Variants in QSOX2 observed in about 807,000 individuals in gnomAD.
The protein encoded by QSOX2 is quiescin sulfhydryl oxidase 2, also known as sulfhydryl oxidase 2.
Under a neutral mutation model 61.7 loss-of-function variants are expected in QSOX2, and 46 were observed. The observed-to-expected ratio is 0.75, with a 90% CI of 0.59 to 0.95. The LOEUF is 0.95. Among genes scored for constraint, QSOX2 ranks in the 40% least tolerant of loss-of-function variants. The pLI, the probability that QSOX2 is intolerant of heterozygous loss-of-function variation, is 0.00. For synonymous variants in QSOX2, 383 were observed against 388.4 expected, an observed-to-expected ratio of 0.99 and a Z score of 0.16; for missense variants, 879 against 918.9, an observed-to-expected ratio of 0.96 and a Z score of 0.56.
chr9:136,226,323 G>A (rs1325401678), intron 2 of QSOX2, among the ~76,000 whole-genome samples: 1 of 152,210 alleles, frequency 6.6e-6, no homozygotes, highest in Non-Finnish European at 1.5e-5. Flanking sequence ...CTTGTCTGCA[G>A]GGCTGACTTT....
At chr9:136,236,235 G>C in intron 1 of QSOX2, among the ~76,000 whole-genome samples, 1 of 152,224 alleles carries the variant, frequency 6.6e-6, no homozygotes, top group Non-Finnish European at 1.5e-5. Flanking sequence ...CTCCTCCATG[G>C]GGCACCCGGA....
intron 7 of QSOX2, 71 bp downstream of exon 7, chr9:136,218,956 CCCG>C: frequency 1.3e-6 from 2 of 1,585,618 alleles, no homozygotes; most frequent in Non-Finnish European, 1.7e-6. Flanking sequence ...TCTGAGTAAA[CCCG>C]CCCTGCAAGC....
At chr9:136,214,472 T>A (rs1343957797) in intron 10 of QSOX2, among the ~76,000 whole-genome samples, 2 of 152,232 alleles carry the variant, frequency 1.3e-5, no homozygotes, top group East Asian at 3.8e-4. Flanking sequence ...TGAGGCTTGC[T>A]GCCATGATGT....
At chr9:136,243,748 A>C (rs1830449987) in intron 1 of QSOX2, among the ~76,000 whole-genome samples, 1 of 152,220 alleles carries the variant, frequency 6.6e-6, no homozygotes, top group Admixed American at 6.5e-5. Context: ...GGGCTCCCTG[A>C]AGCCCTCTCC....
At chr9:136,228,361 T>C (rs1830301841) in intron 1 of QSOX2, among the ~76,000 whole-genome samples, 1 of 152,222 alleles carries the variant, frequency 6.6e-6, no homozygotes, top group Non-Finnish European at 1.5e-5. Flanking sequence ...GGGGAGTGCC[T>C]GGCTCGTGCT....
intron 6 of QSOX2, among the ~76,000 whole-genome samples, chr9:136,219,761 G>C (rs1315495718): frequency 2.0e-5 from 3 of 152,248 alleles, no homozygotes; most frequent in Non-Finnish European, 4.4e-5. Context: ...TCCAAAGACA[G>C]AATGTAGCAG....
chr9:136,209,528 C>A lies in QSOX2; in HGVS notation c.1550-253G>T, dbSNP rs116216003. ...TTCCCATAGCCTGCAAGTGAGGAGA[C>A]GCTACACGCTCGGCCTCCGCCACTT... On this transcript the variant is annotated intron_variant, in intron 11 of 11. Coordinates refer to ENST00000358701, the MANE Select transcript of QSOX2 (RefSeq NM_181701.4). This position sits in a 1 kb window ranked among gnomAD's most constrained non-coding sequence, Gnocchi z 5.6. 1.0e-6 allele frequency: 1 copy of A among 985,240 alleles called. No homozygotes were observed. Among genetic ancestry groups the A allele is most frequent in the African/African-American group, 1.7e-5 (1 of 57,242 alleles). The allele number at this position is 985,240 out of a possible 1,614,324, so 61.0% of individuals were successfully genotyped here.
chr9:136,240,392 T>C (rs1830425011), intron 1 of QSOX2, among the ~76,000 whole-genome samples: 1 of 152,172 alleles, frequency 6.6e-6, no homozygotes, highest in Admixed American at 6.5e-5. Context: ...TATCAAATCG[T>C]TCTAGAAAAT....
At chr9:136,245,152 A>T (rs985184861) in intron 1 of QSOX2, among the ~76,000 whole-genome samples, 1 of 152,168 alleles carries the variant, frequency 6.6e-6, no homozygotes. Flanking sequence ...GAGAGCTGGG[A>T]TACGGGAGGG....
At chr9:136,225,403 C>T (rs1359406187) in intron 2 of QSOX2, among the ~76,000 whole-genome samples, 8 of 152,170 alleles carry the variant, frequency 5.3e-5, no homozygotes, top group Admixed American at 1.3e-4. Context: ...TACATGATGG[C>T]GGAGATGAGG....
At chr9:136,241,256 C>A (rs116783101) in intron 1 of QSOX2, among the ~76,000 whole-genome samples, 2,774 of 152,316 alleles carry the variant, frequency 0.018, 80 homozygotes, top group African/African-American at 0.062. Context: ...TCCTTCCACC[C>A]TCTCCATCCT....
At position 136,232,187 on chromosome 9, in the gene QSOX2, G is replaced by A. The variant is rs147619545; in HGVS notation, c.329-5313C>T. 3.2e-3 allele frequency among the ~76,000 whole-genome samples: 481 copies of A among 152,194 alleles called. 1 individual carries two copies. Among genetic ancestry groups the A allele is most frequent in the African/African-American group, 9.9e-3 (410 of 41,518 alleles). ...AAATGTCGTTATCTGAGGACCTGCC[G>A]TCTTCCTTGCACTTCGCGTGGCAGT... On this transcript the variant is annotated intron_variant, in intron 1 of 11. Transcript: ENST00000358701.
rs1448105069 is a variant in QSOX2, at chr9:136,207,071, C to G, written c.*1657G>C. 6.6e-6 allele frequency: 1 copy of G among 152,374 alleles called. No homozygotes were observed. Among genetic ancestry groups the G allele is most frequent in the African/African-American group, 2.4e-5 (1 of 41,438 alleles). 9.4% of individuals were successfully genotyped at this position (152,374 alleles called of 1,614,324 possible). A position where few individuals can be genotyped will look rare whatever the true frequency, so the allele number is the denominator to read the frequency against. On this transcript the variant is annotated 3_prime_UTR_variant, in exon 12 of 12. Coordinates refer to ENST00000358701, the MANE Select transcript of QSOX2 (RefSeq NM_181701.4). ...TTAAAAAGTGTGAAACCAGAAGCAA[C>G]TCTCGAGTGAGACACGAAGCAGCAG...
rs991771824 is a variant in QSOX2 at position 136,222,413 on chromosome 9, G to A, written c.676-472C>T. On this transcript the variant is annotated intron_variant, in intron 5 of 11. Coordinates refer to ENST00000358701, the MANE Select transcript of QSOX2 (RefSeq NM_181701.4). This position sits in a 1 kb window ranked among gnomAD's most constrained non-coding sequence, Gnocchi z 6.9. Reference sequence around the variant, plus strand: ...CTGAAGGGGCAGCAACAGGGTCTCCGTGGCAGAGAGACCACAGGAGTGGCA... The same window carrying A: ...CTGAAGGGGCAGCAACAGGGTCTCCATGGCAGAGAGACCACAGGAGTGGCA... Among the ~76,000 whole-genome samples, 3 of 152,222 alleles carry A rather than the reference G, an allele frequency of 2.0e-5. No homozygotes were observed. Among genetic ancestry groups the A allele is most frequent in the Admixed American group, 6.5e-5 (1 of 15,286 alleles).
At position 136,208,796 on chromosome 9, in the gene QSOX2, C is replaced by T; in HGVS notation, c.2029G>A (p.Val677Met). Reference protein sequence around the residue: ...LYVASSLFLMVMYFFFRVRSR... With the variant: ...LYVASSLFLMMMYFFFRVRSR... Reference sequence around the variant, plus strand: ...CTCACCCGGAAGAAGAAGTACATCACCATGAGGAACAGGGATGAAGCCACG... The same window carrying T: ...CTCACCCGGAAGAAGAAGTACATCATCATGAGGAACAGGGATGAAGCCACG... Residue 677 changes from valine (V) to methionine (M), a missense_variant, in exon 12 of 12, where the codon GTG (valine) becomes ATG (methionine). By Grantham distance (21) the Val-to-Met change is conservative. Transcript: ENST00000358701. The T allele has an allele frequency of 2.5e-6, 4 of 1,613,998 alleles. No individual in the cohort carries two copies. The South Asian group carries it at 4.4e-5, about 18-fold the overall frequency.
intron 8 of QSOX2, among the ~76,000 whole-genome samples, chr9:136,217,857 G>A (rs1284646399): frequency 1.3e-5 from 2 of 152,242 alleles, no homozygotes; most frequent in Non-Finnish European, 2.9e-5. Flanking sequence ...GGATGGCACC[G>A]TGGGGGAAAA....
chr9:136,209,000 C>T lies in QSOX2; in HGVS notation c.1825G>A (p.Val609Ile), dbSNP rs111999951. ...GGGCCCAGTGCACCAGGTGGACGGA[C>T]GCTCTGGGTGTCTCGGTCTCCATGG... The part of the protein sequence containing the change: ...VSHGDRDTQS[V>I]RPPGALGPRP... The change falls in exon 12 of 12, where the codon GTC (valine) becomes ATC (isoleucine). Residue 609 changes from valine (V) to isoleucine (I), a missense_variant. By Grantham distance (29) the Val-to-Ile change is conservative. Coordinates refer to ENST00000358701, the MANE Select transcript of QSOX2 (RefSeq NM_181701.4). The T allele has an allele frequency of 8.8e-4, 1,418 of 1,613,782 alleles. 12 individuals are homozygous for T. The African/African-American group carries it at 0.016, about 18-fold the overall frequency.
At chr9:136,233,267 G>A (rs1371265885) in intron 1 of QSOX2, among the ~76,000 whole-genome samples, 1 of 152,244 alleles carries the variant, frequency 6.6e-6, no homozygotes, top group Non-Finnish European at 1.5e-5. Flanking sequence ...CTGAAGCCAG[G>A]AAGTACCTTC....
intron 1 of QSOX2, among the ~76,000 whole-genome samples, chr9:136,239,819 C>A (rs1830420472): frequency 1.3e-5 from 2 of 152,254 alleles, no homozygotes; most frequent in African/African-American, 2.4e-5. Flanking sequence ...ATTTCAGTTA[C>A]ACAGGCCTCC....
Sources: gnomAD v4.1 joint callset for allele counts (sites outside exome capture counted in the v4.1 genomes callset) on GRCh38, gnomAD v4.1.1 for gene constraint, Gnocchi (gnomAD v3.1) non-coding constraint, MANE v1.5 for transcripts, NCBI Gene and HGNC (gene_info 2026-07-23, HGNC 2026-07-21) for gene names.